The following DYRK1A variants were observed in gnomAD, a reference collection of about 807,000 sequenced individuals.
DYRK1A encodes dual specificity tyrosine-phosphorylation-regulated kinase 1A.
DYRK1A carries 9 observed loss-of-function variants against 79.7 expected under a neutral mutation model. That is an observed-to-expected ratio of 0.11 (90% CI 0.07 to 0.20). DYRK1A has a LOEUF of 0.20. Among genes scored for constraint, DYRK1A ranks in the 10% least tolerant of loss-of-function variants. The pLI is 1.00. For missense variants in DYRK1A, 622 were observed against 956.0 expected (o/e 0.65, Z 4.61); for synonymous variants, 349 against 329.7 (o/e 1.06, Z -0.63).
intron 2 of DYRK1A, among the ~76,000 whole-genome samples, chr21:37,472,441 T>C (rs2052256291): frequency 6.6e-6 from 1 of 152,246 alleles, no homozygotes; most frequent in Admixed American, 6.5e-5. Flanking sequence ...TTGCTGTTGC[T>C]TTACAAAAAG....
At chr21:37,368,176 G>A (rs2049354342) in intron 1 of DYRK1A, 1 of 152,330 alleles carries the variant, frequency 6.6e-6, no homozygotes, top group African/African-American at 2.4e-5. Context: ...CCGCGCTGGA[G>A]CGAGGGGCAC....
intron 2 of DYRK1A, among the ~76,000 whole-genome samples, chr21:37,431,397 A>G (rs1487160046): frequency 6.6e-6 from 1 of 152,210 alleles, no homozygotes; most frequent in African/African-American, 2.4e-5. Flanking sequence ...ATTTCCTGCA[A>G]TGCCTAGCTT....
At chr21:37,413,572 G>A (rs1602435337) in intron 1 of DYRK1A, among the ~76,000 whole-genome samples, 1 of 152,074 alleles carries the variant, frequency 6.6e-6, no homozygotes, top group East Asian at 1.9e-4. Flanking sequence ...CTTTCTAAAT[G>A]TCTTCTGTCT....
rs2053916748 is a variant in DYRK1A, at chr21:37,519,735, A to AGTTTTTTTTGTTTTTTTT, written c.*7213_*7214insGTTTTTTTTGTTTTTTTT. On this transcript the variant is annotated 3_prime_UTR_variant, in exon 12 of 12. Coordinates refer to ENST00000647188, the MANE Select transcript of DYRK1A (RefSeq NM_001347721.2). ...AAGAGTTTTGAGGTTTGTTGTGGGA[A>AGTTTTTTTTGTTTTTTTT]GTTTTTTTTTTTTTTTTTTTTTTTG... is the stretch of plus-strand genomic sequence containing the variant. The AGTTTTTTTTGTTTTTTTT allele has an allele frequency of 2.5e-5, 2 of 80,550 alleles. No homozygotes were observed. Among genetic ancestry groups the AGTTTTTTTTGTTTTTTTT allele is most frequent in the African/African-American group, 1.3e-4 (2 of 15,216 alleles). The allele number at this position is 80,550 out of a possible 1,614,324, so 5.0% of individuals were successfully genotyped here.
chr21:37,493,196 T>C, intron 8 of DYRK1A, 33 bp downstream of exon 8: 3 of 1,559,896 alleles, frequency 1.9e-6, no homozygotes, highest in Non-Finnish European at 2.6e-6. Context: ...AATTCTGTTT[T>C]CATAATTTCT....
rs147475086 is a variant in DYRK1A at position 37,444,076 on chromosome 21, G to A, written c.10+23692G>A. Among the ~76,000 whole-genome samples, 1,081 of 152,164 alleles carry A rather than the reference G, an allele frequency of 7.1e-3. 13 individuals are homozygous for A. Among genetic ancestry groups the A allele is most frequent in the African/African-American group, 0.025 (1,028 of 41,504 alleles). Reference sequence around the variant, plus strand: ...CCTTCTCTCAGCTTGGTATGCCCCCGTTCCTTTCTTCTGCTTCTCTTTCTT... The same window carrying A: ...CCTTCTCTCAGCTTGGTATGCCCCCATTCCTTTCTTCTGCTTCTCTTTCTT... On this transcript the variant is annotated intron_variant, in intron 2 of 11. Coordinates refer to ENST00000647188, the MANE Select transcript of DYRK1A (RefSeq NM_001347721.2).
At chr21:37,402,671 A>G (rs1381528090) in intron 1 of DYRK1A, among the ~76,000 whole-genome samples, 1 of 151,516 alleles carries the variant, frequency 6.6e-6, no homozygotes, top group Admixed American at 6.6e-5. Context: ...ATACAACTTG[A>G]TATTGTTCCA....
chr21:37,472,171 T>C (rs769097724), intron 2 of DYRK1A, among the ~76,000 whole-genome samples: 11 of 152,174 alleles, frequency 7.2e-5, no homozygotes, highest in Non-Finnish European at 1.5e-4. Flanking sequence ...TTTTCCTGTT[T>C]TTATATCCAA....
chr21:37,409,924 T>C (rs1221228423), intron 1 of DYRK1A, among the ~76,000 whole-genome samples: 2 of 152,226 alleles, frequency 1.3e-5, no homozygotes, highest in Admixed American at 1.3e-4. Context: ...TGAACATTTA[T>C]TATTTATAAC....
rs775621138 is a variant in DYRK1A, at chr21:37,416,317, CTTTTTT to C, written c.-76-3967_-76-3962del. ...TCTTTATAAAGTCTTGTGTTTTGGC[CTTTTTT>C]TTTTTTTTTTTTTTAAAGACTGTGA... On this transcript the variant is annotated intron_variant, in intron 1 of 11. Transcript: ENST00000647188. Among the ~76,000 whole-genome samples, 219 of 98,156 alleles carry C rather than the reference CTTTTTT, an allele frequency of 2.2e-3. 2 individuals carry two copies. Among genetic ancestry groups the C allele is most frequent in the Non-Finnish European group, 3.4e-3 (165 of 49,228 alleles). The allele number at this position is 98,156 out of a possible 152,430, so 64.4% of individuals were successfully genotyped here.
rs1425955783 is a variant in DYRK1A at position 37,394,931 on chromosome 21, G to A, written c.-76-25368G>A. Among the ~76,000 whole-genome samples the A allele has an allele frequency of 3.3e-5, 5 of 152,222 alleles. No individual in the cohort carries two copies. The East Asian group carries it at 5.8e-4, about 18-fold the overall frequency. ...ACCTCCTCCTGGGTTACGTGTTACA[G>A]TTCACAAACGATCTCAAGTATTCTA... is the stretch of plus-strand genomic sequence containing the variant. On this transcript the variant is annotated intron_variant, in intron 1 of 11. Coordinates refer to ENST00000647188, the MANE Select transcript of DYRK1A (RefSeq NM_001347721.2).
chr21:37,369,065 ATT>A (rs932819358), intron 1 of DYRK1A, among the ~76,000 whole-genome samples: 2 of 152,116 alleles, frequency 1.3e-5, no homozygotes, highest in Non-Finnish European at 2.9e-5. Flanking sequence ...GATTATAGTC[ATT>A]TTTTGAGTAT....
chr21:37,439,886 G>A (rs1260888730), intron 2 of DYRK1A, among the ~76,000 whole-genome samples: 1 of 152,034 alleles, frequency 6.6e-6, no homozygotes, highest in Non-Finnish European at 1.5e-5. Flanking sequence ...TTAATTTGAT[G>A]AATTGTACTG....
At chr21:37,368,673 C>T (rs1289465003) in intron 1 of DYRK1A, among the ~76,000 whole-genome samples, 1 of 152,124 alleles carries the variant, frequency 6.6e-6, no homozygotes, top group Non-Finnish European at 1.5e-5. Context: ...GAACTGTTCC[C>T]ATTTTATAGA....
chr21:37,383,213 C>T (rs914756234), intron 1 of DYRK1A, among the ~76,000 whole-genome samples: 9 of 152,206 alleles, frequency 5.9e-5, no homozygotes, highest in African/African-American at 2.2e-4. Context: ...GGGATAGCAG[C>T]TTATCTTTTC....
rs2053036025 is a variant in DYRK1A at position 37,490,212 on chromosome 21, C to G, written c.675C>G (p.Leu225=). The change falls in exon 7 of 12, where the codon CTC becomes CTG. Residue 225 remains leucine (L), a synonymous_variant. Coordinates refer to ENST00000647188, the MANE Select transcript of DYRK1A (RefSeq NM_001347721.2). ...LKRHFMFRNH[L]CLVFEMLSYN... is the part of the protein sequence containing the mutation. ...GCCACTTTATGTTTCGAAACCATCT[C>G]TGTTTAGTTTTTGAAATGCTGTCCT... 1 of 1,613,440 alleles carries G rather than the reference C, an allele frequency of 6.2e-7. No homozygotes were observed. Among genetic ancestry groups the G allele is most frequent in the Non-Finnish European group, 8.5e-7 (1 of 1,179,644 alleles).
intron 8 of DYRK1A, among the ~76,000 whole-genome samples, chr21:37,494,412 C>G (rs1174508921): frequency 1.3e-5 from 2 of 152,152 alleles, no homozygotes; most frequent in Non-Finnish European, 2.9e-5. Context: ...CTCACCACCA[C>G]CTGGTCTCTC....
chr21:37,510,957 G>A (rs1419462787), intron 11 of DYRK1A, among the ~76,000 whole-genome samples: 2 of 152,150 alleles, frequency 1.3e-5, no homozygotes, highest in Non-Finnish European at 2.9e-5. Context: ...AGTTGTTGAG[G>A]CAGCATCAGC....
intron 1 of DYRK1A, among the ~76,000 whole-genome samples, chr21:37,370,745 A>G (rs1437955273): frequency 6.6e-6 from 1 of 152,194 alleles, no homozygotes; most frequent in African/African-American, 2.4e-5. Flanking sequence ...AAACTGAACC[A>G]AGAATCTTTA....
Sources: gnomAD v4.1 joint callset for allele counts (sites outside exome capture counted in the v4.1 genomes callset) on GRCh38, gnomAD v4.1.1 for gene constraint, MANE v1.5 for transcripts, NCBI Gene and HGNC (gene_info 2026-07-23, HGNC 2026-07-21) for gene names.